NALF1: variants seen among roughly 807,000 people sequenced by gnomAD.
NALF1 encodes the protein family with sequence similarity 155 member A.
A neutral mutation model predicts 48.4 loss-of-function variants in NALF1; 3 were observed. The observed-to-expected ratio is 0.06, with a 90% CI of 0.03 to 0.16. The LOEUF (loss-of-function observed/expected upper bound fraction) is 0.16, where lower values mean the gene tolerates loss of function less well. NALF1 is among the 10% of genes least tolerant of loss of function. NALF1 has a pLI of 1.00. For missense variants in NALF1, 526 were observed against 571.5 expected, an observed-to-expected ratio of 0.92 and a Z score of 0.81; for synonymous variants, 262 against 245.7, an observed-to-expected ratio of 1.07 and a Z score of -0.62.
chr13:107,607,820 T>A (rs1012871429), intron 1 of NALF1, among the ~76,000 whole-genome samples: 1 of 152,176 alleles, frequency 6.6e-6, no homozygotes, highest in African/African-American at 2.4e-5. Context: ...ACACAGGGCT[T>A]CATGAGAATT....
intron 1 of NALF1, among the ~76,000 whole-genome samples, chr13:107,840,535 T>C (rs1259080629): frequency 1.3e-5 from 2 of 152,198 alleles, no homozygotes; most frequent in Non-Finnish European, 2.9e-5. Flanking sequence ...GGAAAAGGAA[T>C]GTGCCTTCCA....
At chr13:107,514,884 G>T (rs1286353709) in intron 1 of NALF1, among the ~76,000 whole-genome samples, 1 of 152,166 alleles carries the variant, frequency 6.6e-6, no homozygotes, top group Non-Finnish European at 1.5e-5. Context: ...AGTATAGTTT[G>T]TTGGTAGGCA....
At chr13:107,336,367 T>C (rs532044330) in intron 1 of NALF1, among the ~76,000 whole-genome samples, 40 of 124,998 alleles carry the variant, frequency 3.2e-4, no homozygotes, top group Non-Finnish European at 5.8e-4. Context: ...ATGATGATGA[T>C]GATAATAATA....
chr13:107,761,379 A>C (rs1877260028), intron 1 of NALF1, among the ~76,000 whole-genome samples: 1 of 152,054 alleles, frequency 6.6e-6, no homozygotes, highest in Non-Finnish European at 1.5e-5. Flanking sequence ...AAAAAGAAAA[A>C]AAAAAGGAAA....
At chr13:107,298,789 T>A (rs995790575) in intron 1 of NALF1, among the ~76,000 whole-genome samples, 22 of 152,190 alleles carry the variant, frequency 1.4e-4, no homozygotes, top group Non-Finnish European at 1.5e-5. Flanking sequence ...TACAGAAATT[T>A]CCAAAAATAG....
chr13:107,499,529 A>G (rs1485665172), intron 1 of NALF1, among the ~76,000 whole-genome samples: 5 of 152,176 alleles, frequency 3.3e-5, no homozygotes, highest in East Asian at 1.9e-4. Context: ...TTTTGAAGAC[A>G]CTTTGTCTCA....
At chr13:107,804,027 C>T (rs542254225) in intron 1 of NALF1, among the ~76,000 whole-genome samples, 3 of 152,260 alleles carry the variant, frequency 2.0e-5, no homozygotes, top group South Asian at 2.1e-4. Flanking sequence ...TTGCCACATC[C>T]GGCCCACTCC....
intron 1 of NALF1, among the ~76,000 whole-genome samples, chr13:107,287,992 G>A (rs1055266952): frequency 1.3e-5 from 2 of 151,872 alleles, no homozygotes; most frequent in South Asian, 4.1e-4. Context: ...ACAGGCGTGA[G>A]CCACCACACC....
intron 1 of NALF1, among the ~76,000 whole-genome samples, chr13:107,516,726 T>C (rs1376750662): frequency 1.3e-5 from 2 of 152,138 alleles, no homozygotes; most frequent in African/African-American, 4.8e-5. Flanking sequence ...GCTTTCCAAA[T>C]TGAGCACTAC....
intron 1 of NALF1, among the ~76,000 whole-genome samples, chr13:107,501,852 T>C (rs1875535823): frequency 1.3e-5 from 2 of 152,190 alleles, no homozygotes; most frequent in Admixed American, 6.5e-5. Flanking sequence ...AGGATGGAAC[T>C]CCTGAAGTTC....
chr13:107,697,506 C>T (rs765573917), intron 1 of NALF1, among the ~76,000 whole-genome samples: 24 of 151,998 alleles, frequency 1.6e-4, no homozygotes, highest in Admixed American at 8.5e-4. Context: ...GTGTTTTTCA[C>T]CTATAATTAG....
chr13:107,222,687 A>C (rs193052929), intron 1 of NALF1, among the ~76,000 whole-genome samples: 2 of 152,320 alleles, frequency 1.3e-5, no homozygotes, highest in African/African-American at 4.8e-5. Flanking sequence ...CACTTGCTTG[A>C]ATTATGTAAG....
intron 1 of NALF1, among the ~76,000 whole-genome samples, chr13:107,452,238 A>C (rs930396362): frequency 6.6e-6 from 1 of 152,194 alleles, no homozygotes; most frequent in Admixed American, 6.5e-5. Context: ...CCATAGGCAC[A>C]TGGCCTTACG....
chr13:107,233,932 A>G (rs1037655046), intron 1 of NALF1, among the ~76,000 whole-genome samples: 2 of 152,224 alleles, frequency 1.3e-5, no homozygotes, highest in African/African-American at 4.8e-5. Flanking sequence ...TTCTATTACT[A>G]CATTGTTTTT....
chr13:107,864,441 A>C (rs1880656146), intron 1 of NALF1, among the ~76,000 whole-genome samples: 1 of 152,240 alleles, frequency 6.6e-6, no homozygotes, highest in South Asian at 2.1e-4. Context: ...AAAAAATCAC[A>C]AAATTATTTG....
In NALF1 at chr13:107,545,962, G is replaced by A. The variant is rs576760097; in HGVS notation, c.915+319720C>T. Among the ~76,000 whole-genome samples the A allele has an allele frequency of 1.6e-3, 243 of 152,140 alleles. 1 individual carries two copies. The highest frequency in any genetic ancestry group is 5.6e-3 in the African/African-American group (232 of 41,496). On this transcript the variant is annotated intron_variant, in intron 1 of 2. Transcript: ENST00000375915. ...CTTAAATGATGTTGCATTTTTCCAG[G>A]CTTGTCTTTGTTAGATAAAAACAGG...
intron 1 of NALF1, among the ~76,000 whole-genome samples, chr13:107,771,595 T>C (rs1045765216): frequency 6.6e-6 from 1 of 151,648 alleles, no homozygotes; most frequent in Non-Finnish European, 1.5e-5. Flanking sequence ...GTTGGGAAAA[T>C]GAGGCTAGGA....
chr13:107,807,410 G>T (rs1878831430), intron 1 of NALF1, among the ~76,000 whole-genome samples: 2 of 152,094 alleles, frequency 1.3e-5, no homozygotes, highest in South Asian at 4.1e-4. Flanking sequence ...ATTTGCAAAT[G>T]TCTAAAATGA....
chr13:107,570,779 A>C (rs1449549252), intron 1 of NALF1, among the ~76,000 whole-genome samples: 1 of 151,992 alleles, frequency 6.6e-6, no homozygotes, highest in African/African-American at 2.4e-5. Flanking sequence ...TAATATTAAT[A>C]GACACTTGCA....
Sources: allele counts gnomAD v4.1 joint callset (sites outside exome capture counted in the v4.1 genomes callset), GRCh38; gene constraint gnomAD v4.1.1; transcripts MANE v1.5; gene names NCBI Gene and HGNC (gene_info 2026-07-23, HGNC 2026-07-21).